The following UGGT2 variants were observed in gnomAD, a reference collection of about 807,000 sequenced individuals.
UGGT2 encodes UDP-glucose glycoprotein glucosyltransferase 2.
UGGT2 carries 180 observed loss-of-function variants against 192.1 expected under a neutral mutation model. The observed-to-expected ratio is 0.94, with a 90% CI of 0.83 to 1.06. UGGT2 has a LOEUF of 1.06. Ranked by LOEUF, UGGT2 falls within the 50% of genes least tolerant of loss-of-function variation. The pLI is 0.00. For synonymous variants in UGGT2, 580 were observed against 591.0 expected, an observed-to-expected ratio of 0.98 and a Z score of 0.27; for missense variants, 1,849 against 1,795.7, an observed-to-expected ratio of 1.03 and a Z score of -0.54.
intron 1 of UGGT2, among the ~76,000 whole-genome samples, chr13:96,045,618 G>A (rs538308376): frequency 6.6e-6 from 1 of 152,246 alleles, no homozygotes; most frequent in South Asian, 2.1e-4. Flanking sequence ...TCCAAGAACT[G>A]ATAAAAGAAT....
chr13:96,012,111 A>C (rs1000143758), intron 5 of UGGT2, among the ~76,000 whole-genome samples: 2 of 152,102 alleles, frequency 1.3e-5, no homozygotes, highest in Non-Finnish European at 2.9e-5. Flanking sequence ...GAATAGACAT[A>C]TATATCACTG....
chr13:96,038,361 T>A (rs2053066048), intron 1 of UGGT2, among the ~76,000 whole-genome samples: 1 of 152,128 alleles, frequency 6.6e-6, no homozygotes. Flanking sequence ...ACTGGCCAAA[T>A]GCTATGAGAG....
intron 38 of UGGT2, among the ~76,000 whole-genome samples, chr13:95,812,761 C>A (rs985501321): frequency 6.6e-6 from 1 of 151,994 alleles, no homozygotes; most frequent in Non-Finnish European, 1.5e-5. Flanking sequence ...ACCCACCTTA[C>A]TCTCTCTCAT....
Position 95,902,980 on chromosome 13 carries a change from T to C in UGGT2, c.2376A>G (p.Arg792=). 3.7e-6 allele frequency: 6 copies of C among 1,613,508 alleles called. No individual in the cohort carries two copies. The highest frequency in any genetic ancestry group is 4.5e-5 in the East Asian group (2 of 44,794). ...GTGTAAGAAAAGCTGCCAAAATTCC[T>C]CTAGAAATAGCTGTGTTCTCTTCAT... The part of the protein sequence containing the change: ...KINEENTAIS[R]GILAAFLTQK... Residue 792 remains arginine, a synonymous_variant, in exon 21 of 39, where the codon AGA becomes AGG. Transcript: ENST00000376747.
intron 33 of UGGT2, among the ~76,000 whole-genome samples, chr13:95,859,204 T>C (rs1889914585): frequency 2.6e-5 from 4 of 152,132 alleles, no homozygotes; most frequent in Admixed American, 2.6e-4. Context: ...GTAAAACTAT[T>C]TTCTACGGTA....
intron 38 of UGGT2, among the ~76,000 whole-genome samples, chr13:95,808,260 C>A (rs968499471): frequency 6.6e-6 from 1 of 152,128 alleles, no homozygotes; most frequent in South Asian, 2.1e-4. Flanking sequence ...TTATCTTTAT[C>A]TTCAAGGCTT....
intron 17 of UGGT2, among the ~76,000 whole-genome samples, chr13:95,928,672 G>A (rs1031100633): frequency 3.3e-5 from 5 of 152,072 alleles, no homozygotes; most frequent in East Asian, 1.9e-4. Flanking sequence ...CTTCCTAGAC[G>A]GGATGACGGC....
intron 15 of UGGT2, among the ~76,000 whole-genome samples, chr13:95,942,110 CT>C (rs1310547330): frequency 5.2e-5 from 7 of 135,622 alleles, no homozygotes; most frequent in Admixed American, 4.3e-4. Flanking sequence ...ATCTATTTTG[CT>C]ACTGATATGT....
chr13:95,902,471 T>C (rs537670202), intron 21 of UGGT2, among the ~76,000 whole-genome samples: 40 of 152,232 alleles, frequency 2.6e-4, no homozygotes, highest in Admixed American at 1.0e-3. Flanking sequence ...ACGATCAATA[T>C]GTATTTTTTG....
At chr13:96,004,293 G>A (rs915414634) in intron 5 of UGGT2, among the ~76,000 whole-genome samples, 3 of 152,052 alleles carry the variant, frequency 2.0e-5, no homozygotes, top group Non-Finnish European at 4.4e-5. Flanking sequence ...CATACAAAAT[G>A]TAATGATCAA....
At chr13:95,895,373 C>A in intron 22 of UGGT2, 69 bp from the exon 23 acceptor site, 4 of 966,696 alleles carry the variant, frequency 4.1e-6, no homozygotes, top group Non-Finnish European at 5.7e-6. Context: ...AACATTTCCT[C>A]ATCAAATAGA....
intron 20 of UGGT2, among the ~76,000 whole-genome samples, chr13:95,905,783 C>G (rs983578149): frequency 6.6e-6 from 1 of 151,994 alleles, no homozygotes; most frequent in African/African-American, 2.4e-5. Flanking sequence ...GATGCGGGCT[C>G]TTTTTTGGTT....
At chr13:96,028,151 TTATCC>T (rs2052723075) in intron 2 of UGGT2, among the ~76,000 whole-genome samples, 1 of 152,230 alleles carries the variant, frequency 6.6e-6, no homozygotes, top group Non-Finnish European at 1.5e-5. Flanking sequence ...ATCCTACCCT[TTATCC>T]TATAATTTAT....
chr13:96,021,159 A>C (rs1455371203), intron 4 of UGGT2, among the ~76,000 whole-genome samples: 1 of 152,186 alleles, frequency 6.6e-6, no homozygotes, highest in Non-Finnish European at 1.5e-5. Context: ...AAGGTTGCTC[A>C]CTGCAAACAC....
intron 25 of UGGT2, 118 bp from the exon 26 acceptor site, chr13:95,888,089 C>A: frequency 1.6e-6 from 1 of 610,518 alleles, no homozygotes; most frequent in South Asian, 3.5e-5. Context: ...CTCACTTGAT[C>A]CTTACAACGC....
At chr13:95,944,077 C>A (rs1256486907) in intron 15 of UGGT2, among the ~76,000 whole-genome samples, 1 of 151,822 alleles carries the variant, frequency 6.6e-6, no homozygotes, top group Non-Finnish European at 1.5e-5. Context: ...CAAATACTTT[C>A]TTTTATTCAT....
At position 95,801,589 on chromosome 13, in the gene UGGT2, C is replaced by A; in HGVS notation, c.*201G>T. 2.0e-6 allele frequency: 1 copy of A among 507,016 alleles called. No homozygotes were observed. The allele number at this position is 507,016 out of a possible 1,614,324, so 31.4% of individuals were successfully genotyped here. On this transcript the variant is annotated 3_prime_UTR_variant, in exon 39 of 39. Transcript: ENST00000376747. ...AAAAGGAACAATCAGGTTTTAAATA[C>A]TCAATGGTCATTTATTATATAACTT...
rs751691884 is a variant in UGGT2, at chr13:95,832,993, A to G, written c.4462T>C (p.Trp1488Arg). The G allele has an allele frequency of 3.0e-5, 48 of 1,612,864 alleles. No homozygotes were observed. Among genetic ancestry groups the G allele is most frequent in the Non-Finnish European group, 5.1e-6 (6 of 1,179,286 alleles). ...LKAAARIVPE[W>R]VEYDAEIRQL... ...CTTATCTCAGCATCATACTCCACCCATTCTGGGACAATTCTGGCAGCAGCT... is the reference window on the plus strand; with the variant it reads ...CTTATCTCAGCATCATACTCCACCCGTTCTGGGACAATTCTGGCAGCAGCT... The change falls in exon 38 of 39, where the codon TGG (tryptophan) becomes CGG (arginine). Residue 1488 changes from tryptophan to arginine, a missense_variant. Coordinates refer to ENST00000376747, the MANE Select transcript of UGGT2 (RefSeq NM_020121.4).
intron 7 of UGGT2, among the ~76,000 whole-genome samples, chr13:95,991,733 T>C (rs1375622841): frequency 2.6e-5 from 4 of 152,210 alleles, no homozygotes; most frequent in Non-Finnish European, 5.9e-5. Context: ...AGAGCTACTA[T>C]ACCAATTTTC....
Sources: allele counts gnomAD v4.1 joint callset (sites outside exome capture counted in the v4.1 genomes callset), GRCh38; gene constraint gnomAD v4.1.1; transcripts MANE v1.5; gene names NCBI Gene and HGNC (gene_info 2026-07-23, HGNC 2026-07-21).